MYLK: variants seen among roughly 807,000 people sequenced by gnomAD.
MYLK encodes the protein myosin light chain kinase, also known as myosin light chain kinase, smooth muscle.
In MYLK, 106 loss-of-function variants were observed where a neutral mutation model predicts 203.4. That is an observed-to-expected ratio of 0.52 (90% confidence interval 0.45 to 0.61). The LOEUF (loss-of-function observed/expected upper bound fraction) is 0.61, where lower values mean the gene tolerates loss of function less well. Among genes scored for constraint, MYLK ranks in the 20% least tolerant of loss-of-function variants. MYLK has a pLI of 0.00. For synonymous variants in MYLK, 867 were observed against 959.5 expected, an observed-to-expected ratio of 0.90 and a Z score of 1.78; for missense variants, 2,072 against 2,442.3, an observed-to-expected ratio of 0.85 and a Z score of 3.20.
Position 123,640,559 on chromosome 3 carries a change from G to C in MYLK, c.4620-55C>G. The C allele has an allele frequency of 1.3e-6, 2 of 1,591,014 alleles. No homozygotes were observed. The highest frequency in any genetic ancestry group is 1.7e-6 in the Non-Finnish European group (2 of 1,160,788). On this transcript the variant is annotated intron_variant, in intron 27 of 33. Transcript: ENST00000360304. The surrounding 1 kb of genome is among the most constrained non-coding windows in gnomAD (Gnocchi z 4.3). ...GCCACAGGCTCATGGAGGCCAGGCT[G>C]GCAGGGAGTCTGGCCAGGGTAGGCT...
chr3:123,799,204 G>A (rs1358150931), intron 3 of MYLK, among the ~76,000 whole-genome samples: 1 of 125,322 alleles, frequency 8.0e-6, no homozygotes, highest in African/African-American at 3.0e-5. Context: ...CTCACCCCCT[G>A]ATGCTTGGGC....
chr3:123,718,504 A>G (rs925782391), intron 13 of MYLK, among the ~76,000 whole-genome samples: 9 of 152,172 alleles, frequency 5.9e-5, no homozygotes, highest in African/African-American at 2.2e-4. Context: ...CTCACTTTCT[A>G]TCACACTGCC....
At chr3:123,840,306 A>G (rs988524467) in intron 2 of MYLK, among the ~76,000 whole-genome samples, 1 of 151,782 alleles carries the variant, frequency 6.6e-6, no homozygotes, top group Non-Finnish European at 1.5e-5. Context: ...GGAAAAAAAG[A>G]AAGATGGTAC....
Position 123,707,980 on chromosome 3 carries a change from A to T in MYLK, c.2164T>A (p.Trp722Arg), listed in dbSNP as rs1162378261. 1.2e-6 allele frequency: 2 copies of T among 1,614,074 alleles called. No individual in the cohort carries two copies. The highest frequency in any genetic ancestry group is 1.7e-6 in the Non-Finnish European group (2 of 1,180,032). Residue 722 changes from tryptophan to arginine, a missense_variant, in exon 16 of 34, where the codon TGG (tryptophan) becomes AGG (arginine). Transcript: ENST00000360304. The stretch of plus-strand genomic sequence containing the variant: ...ACTGAGCGAGGCTTACTGATGAACC[A>T]GGGCTGGGTGCCATCGTGAGGCTCT... The part of the protein sequence containing the change: ...VQEPHDGTQP[W>R]FISKPRSVTA...
At chr3:123,664,797 G>A (rs1457428324) in intron 22 of MYLK, among the ~76,000 whole-genome samples, 2 of 152,210 alleles carry the variant, frequency 1.3e-5, no homozygotes, top group African/African-American at 4.8e-5. Context: ...AAGGAATGAA[G>A]TACTGATTCA....
intron 3 of MYLK, among the ~76,000 whole-genome samples, chr3:123,809,281 T>C (rs1053928662): frequency 4.6e-5 from 7 of 152,110 alleles, no homozygotes; most frequent in African/African-American, 1.7e-4. Flanking sequence ...TCCCAGCACT[T>C]TGGGAGGCCA....
chr3:123,800,193 T>C (rs1316608622), intron 3 of MYLK: 1 of 152,166 alleles, frequency 6.6e-6, no homozygotes, highest in African/African-American at 2.4e-5. Flanking sequence ...TTTTTATTTT[T>C]ACTTGTTCAG....
chr3:123,848,206 G>A (rs2030284858), intron 2 of MYLK, among the ~76,000 whole-genome samples: 1 of 149,874 alleles, frequency 6.7e-6, no homozygotes, highest in Non-Finnish European at 1.5e-5. Context: ...TTCATATCAG[G>A]AGTTATATTT....
intron 2 of MYLK, among the ~76,000 whole-genome samples, chr3:123,873,659 T>C (rs576163534): frequency 2.0e-5 from 3 of 152,068 alleles, no homozygotes; most frequent in Admixed American, 1.3e-4. Context: ...CTCAGGGAAA[T>C]AGTTAAGAGC....
At chr3:123,870,864 C>T (rs751134298) in intron 2 of MYLK, among the ~76,000 whole-genome samples, 4 of 152,182 alleles carry the variant, frequency 2.6e-5, no homozygotes, top group Non-Finnish European at 1.5e-5. Context: ...CAGAAAAAGT[C>T]CACCAGCTCC....
Position 123,752,413 on chromosome 3 carries a change from A to G in MYLK, c.291T>C (p.His97=). The G allele has an allele frequency of 6.2e-7, 1 of 1,614,160 alleles. No individual in the cohort carries two copies. The highest frequency in any genetic ancestry group is 1.1e-5 in the South Asian group (1 of 91,076). The change falls in exon 5 of 34, where the codon CAT becomes CAC. Residue 97 remains histidine (H), a synonymous_variant. Coordinates refer to ENST00000360304, the MANE Select transcript of MYLK (RefSeq NM_053025.4). The stretch of plus-strand genomic sequence containing the variant: ...AGGTATACTTTCCCCTGTCCTCCTC[A>G]TGGACAGCATGAATCACAAGGCTGA... ...GTFSLVIHAV[H]EEDRGKYTCE...
chr3:123,719,298 A>C (rs2062010675), intron 13 of MYLK, among the ~76,000 whole-genome samples: 1 of 151,280 alleles, frequency 6.6e-6, no homozygotes, highest in South Asian at 2.1e-4. Flanking sequence ...GCATGGTGCC[A>C]CCTTGTGGCC....
At chr3:123,806,913 C>T (rs1183122156) in intron 3 of MYLK, among the ~76,000 whole-genome samples, 4 of 152,028 alleles carry the variant, frequency 2.6e-5, no homozygotes, top group Non-Finnish European at 5.9e-5. Context: ...GATCCACCCA[C>T]CTCGGCCTCC....
chr3:123,805,392 C>T (rs900788673), intron 3 of MYLK, among the ~76,000 whole-genome samples: 5 of 152,116 alleles, frequency 3.3e-5, no homozygotes, highest in Admixed American at 6.5e-5. Flanking sequence ...CAGGTGCACA[C>T]GGAGGGAAGT....
chr3:123,632,488 G>C (rs1007210599), intron 29 of MYLK, among the ~76,000 whole-genome samples: 1 of 152,122 alleles, frequency 6.6e-6, no homozygotes, highest in Non-Finnish European at 1.5e-5. Flanking sequence ...CTTAATCTCT[G>C]CAACTCTGGG....
intron 2 of MYLK, among the ~76,000 whole-genome samples, chr3:123,876,307 T>C (rs2033147783): frequency 6.6e-6 from 1 of 152,164 alleles, no homozygotes; most frequent in Non-Finnish European, 1.5e-5. Flanking sequence ...TGAAATCATA[T>C]GTAACTCTGA....
At chr3:123,784,716 C>T (rs1409494649) in intron 4 of MYLK, among the ~76,000 whole-genome samples, 1 of 152,190 alleles carries the variant, frequency 6.6e-6, no homozygotes, top group African/African-American at 2.4e-5. Context: ...TTTCAGACAT[C>T]TGGTGTCCAT....
chr3:123,628,959 C>T lies in MYLK; in HGVS notation c.5114+515G>A, dbSNP rs915341070. On this transcript the variant is annotated intron_variant, in intron 30 of 33. Transcript: ENST00000360304. Reference sequence around the variant, plus strand: ...ATGTTAGAACGTACCTGGCTGTATTCAAGCAGGCAGTTATTAAATAACTGA... The same window carrying T: ...ATGTTAGAACGTACCTGGCTGTATTTAAGCAGGCAGTTATTAAATAACTGA... 3.9e-5 allele frequency among the ~76,000 whole-genome samples: 6 copies of T among 152,292 alleles called. No individual in the cohort carries two copies. In the South Asian group the frequency reaches 8.3e-4, roughly 21 times the overall value.
rs543296689 is a variant in MYLK, at chr3:123,806,567, T to TA, written c.-3-12724dup. Among the ~76,000 whole-genome samples, 6 of 152,324 alleles carry TA rather than the reference T, an allele frequency of 3.9e-5. No homozygotes were observed. In the South Asian group the frequency reaches 1.2e-3, roughly 32 times the overall value. ...TAATGTTACCAAAAGGGTTTTTACT[T>TA]AAAATGAACATTTAGCTACTTATTT... On this transcript the variant is annotated intron_variant, in intron 3 of 33. Coordinates refer to ENST00000360304, the MANE Select transcript of MYLK (RefSeq NM_053025.4).
Sources: allele counts gnomAD v4.1 joint callset (sites outside exome capture counted in the v4.1 genomes callset), GRCh38; gene constraint gnomAD v4.1.1; non-coding constraint Gnocchi (gnomAD v3.1); transcripts MANE v1.5; gene names NCBI Gene and HGNC (gene_info 2026-07-23, HGNC 2026-07-21).